Variants in KIAA2012 observed in about 807,000 individuals in gnomAD.
KIAA2012 encodes KIAA2012.
Under a neutral mutation model 150.6 loss-of-function variants are expected in KIAA2012, and 125 were observed. That is an observed-to-expected ratio of 0.83 (90% CI 0.72 to 0.96). The LOEUF (loss-of-function observed/expected upper bound fraction) is 0.96. Ranked by LOEUF, KIAA2012 falls within the 40% of genes least tolerant of loss-of-function variation. The pLI is 0.00. For missense variants in KIAA2012, 1,219 were observed against 1,354.9 expected (o/e 0.90, Z 1.57); for synonymous variants, 462 against 504.7 (o/e 0.92, Z 1.13).
chr2:202,109,318 G>T (rs1690284206), intron 9 of KIAA2012, among the ~76,000 whole-genome samples: 1 of 152,084 alleles, frequency 6.6e-6, no homozygotes, highest in African/African-American at 2.4e-5. Context: ...CCAGTTCTTG[G>T]CAATTTTCCA....
intron 2 of KIAA2012, among the ~76,000 whole-genome samples, chr2:202,086,303 G>T (rs1218537893): frequency 1.3e-5 from 2 of 152,142 alleles, no homozygotes; most frequent in Non-Finnish European, 2.9e-5. Flanking sequence ...GGAAGAGGCT[G>T]GTCCTTACTG....
At chr2:202,125,318 C>A in intron 12 of KIAA2012, 36 bp downstream of exon 12, 1 of 1,472,638 alleles carries the variant, frequency 6.8e-7, no homozygotes, top group Non-Finnish European at 9.3e-7. Flanking sequence ...CTCGACTTCT[C>A]TATGTAATTT....
chr2:202,194,352 C>G lies in KIAA2012; in HGVS notation c.3177C>G (p.Ala1059=), dbSNP rs533785837. 16 of 1,549,690 alleles carry G rather than the reference C, an allele frequency of 1.0e-5. No homozygotes were observed. The highest frequency in any genetic ancestry group is 1.2e-5 in the South Asian group (1 of 84,010). Reference sequence around the variant, plus strand: ...AGAGAAAAAAGCAGCAGGAGGAAGCCGAGAGGGCCGGTGAGGGGGTTCTTG... The same window carrying G: ...AGAGAAAAAAGCAGCAGGAGGAAGCGGAGAGGGCCGGTGAGGGGGTTCTTG... ...ELQRKKQQEE[A]ERAEAEKQRQ... The change falls in exon 21 of 24, where the codon GCC becomes GCG. Residue 1059 remains alanine, a synonymous_variant. Coordinates refer to ENST00000498697, the MANE Select transcript of KIAA2012 (RefSeq NM_001277372.4).
chr2:202,097,908 G>A (rs1689935042), intron 5 of KIAA2012, among the ~76,000 whole-genome samples: 1 of 152,032 alleles, frequency 6.6e-6, no homozygotes, highest in Non-Finnish European at 1.5e-5. Context: ...CACTTCTAAT[G>A]GGCTCTCTTC....
intron 21 of KIAA2012, among the ~76,000 whole-genome samples, chr2:202,196,049 G>A (rs2105752018): frequency 6.6e-6 from 1 of 152,238 alleles, no homozygotes; most frequent in South Asian, 2.1e-4. Flanking sequence ...ATACCTAGTA[G>A]TGGGATTGCT....
intron 2 of KIAA2012, among the ~76,000 whole-genome samples, chr2:202,084,433 G>A (rs1689516887): frequency 6.6e-6 from 1 of 152,168 alleles, no homozygotes; most frequent in Non-Finnish European, 1.5e-5. Flanking sequence ...TATGCATCAG[G>A]AAGGCAACTG....
intron 10 of KIAA2012, among the ~76,000 whole-genome samples, chr2:202,112,634 G>A (rs780421458): frequency 6.6e-6 from 1 of 152,216 alleles, no homozygotes; most frequent in Non-Finnish European, 1.5e-5. Context: ...GGTAAAGAGT[G>A]TCAGAACTGA....
At chr2:202,195,057 C>T (rs1003233397) in intron 21 of KIAA2012, among the ~76,000 whole-genome samples, 8 of 151,948 alleles carry the variant, frequency 5.3e-5, no homozygotes, top group Admixed American at 2.6e-4. Flanking sequence ...TGTGAGCCAC[C>T]GTGCTCAGCC....
chr2:202,127,600 A>G (rs931400701), intron 12 of KIAA2012, among the ~76,000 whole-genome samples: 3 of 152,206 alleles, frequency 2.0e-5, no homozygotes, highest in African/African-American at 7.2e-5. Flanking sequence ...CAGTGCCCCA[A>G]AGGCTAACTT....
chr2:202,084,195 G>A (rs947345980), intron 2 of KIAA2012, among the ~76,000 whole-genome samples: 4 of 152,174 alleles, frequency 2.6e-5, no homozygotes, highest in East Asian at 1.9e-4. Flanking sequence ...CTGGGCCACC[G>A]TCTGCGGTAT....
At chr2:202,163,277 T>C (rs1264235287) in intron 14 of KIAA2012, among the ~76,000 whole-genome samples, 3 of 151,850 alleles carry the variant, frequency 2.0e-5, no homozygotes, top group Non-Finnish European at 1.5e-5. Flanking sequence ...CTAATTTTTG[T>C]ATTTTTAGTA....
intron 14 of KIAA2012, among the ~76,000 whole-genome samples, chr2:202,164,904 ATGC>A (rs1691726798): frequency 6.6e-6 from 1 of 152,020 alleles, no homozygotes; most frequent in Admixed American, 6.6e-5. Context: ...ACAGTGCTTG[ATGC>A]TGCTGGTGCC....
At chr2:202,193,179 A>G (rs1165644388) in intron 19 of KIAA2012, 122 bp from the exon 20 acceptor site, 1 of 992,396 alleles carries the variant, frequency 1.0e-6, no homozygotes, top group Non-Finnish European at 1.5e-6. Context: ...CTGTGGGCAA[A>G]GTGTGGAGTC....
chr2:202,152,578 G>C (rs575299446), intron 13 of KIAA2012, among the ~76,000 whole-genome samples: 36 of 152,310 alleles, frequency 2.4e-4, no homozygotes, highest in African/African-American at 8.4e-4. Context: ...ATGCATGATT[G>C]TGGAGGCTAG....
chr2:202,172,700 T>G (rs1182816645), intron 15 of KIAA2012, among the ~76,000 whole-genome samples: 1 of 152,200 alleles, frequency 6.6e-6, no homozygotes, highest in Non-Finnish European at 1.5e-5. Flanking sequence ...GCCTGACCTG[T>G]GCAAAGAAGT....
intron 14 of KIAA2012, among the ~76,000 whole-genome samples, chr2:202,158,598 G>A (rs1691584431): frequency 6.6e-6 from 1 of 151,952 alleles, no homozygotes; most frequent in Non-Finnish European, 1.5e-5. Context: ...CTGACCTCAG[G>A]TGATCCACCT....
chr2:202,078,827 G>C (rs1264744119), intron 2 of KIAA2012, among the ~76,000 whole-genome samples: 1 of 152,148 alleles, frequency 6.6e-6, no homozygotes, highest in Non-Finnish European at 1.5e-5. Context: ...ATACAGCCAA[G>C]TAAATCACTG....
At chr2:202,126,465 G>A (rs1443622650) in intron 12 of KIAA2012, among the ~76,000 whole-genome samples, 1 of 152,194 alleles carries the variant, frequency 6.6e-6, no homozygotes, top group Non-Finnish European at 1.5e-5. Context: ...CTGGGAGTCT[G>A]GCCCTCTGCA....
intron 19 of KIAA2012, among the ~76,000 whole-genome samples, chr2:202,190,969 A>G (rs912822212): frequency 1.3e-5 from 2 of 152,146 alleles, no homozygotes; most frequent in Admixed American, 6.5e-5. Context: ...GCCTGTACAC[A>G]TATACCTGCT....
Sources: allele counts gnomAD v4.1 joint callset (sites outside exome capture counted in the v4.1 genomes callset), GRCh38; gene constraint gnomAD v4.1.1; transcripts MANE v1.5; gene names NCBI Gene and HGNC (gene_info 2026-07-23, HGNC 2026-07-21).